PLEKHG7: variants seen among roughly 807,000 people sequenced by gnomAD.
PLEKHG7 encodes pleckstrin homology domain-containing family G member 7.
A neutral mutation model predicts 85.2 loss-of-function variants in PLEKHG7; 77 were observed. The ratio of observed to expected loss-of-function variants is 0.90; its 90% CI spans 0.75 to 1.09. The LOEUF is 1.09. Among genes scored for constraint, PLEKHG7 ranks in the 50% least tolerant of loss-of-function variants. PLEKHG7 has a pLI of 0.00. For missense variants in PLEKHG7, 777 were observed against 804.3 expected, an observed-to-expected ratio of 0.97 and a Z score of 0.41; for synonymous variants, 301 against 302.4, an observed-to-expected ratio of 1.00 and a Z score of 0.05.
At chr12:92,733,612 C>T (rs1285516771) in intron 5 of PLEKHG7, among the ~76,000 whole-genome samples, 2 of 152,222 alleles carry the variant, frequency 1.3e-5, no homozygotes, top group Admixed American at 6.5e-5. Flanking sequence ...GCTCTTTCTT[C>T]GAATAAACAG....
At chr12:92,727,071 A>G (rs767494519) in intron 3 of PLEKHG7, among the ~76,000 whole-genome samples, 4 of 152,188 alleles carry the variant, frequency 2.6e-5, no homozygotes, top group Non-Finnish European at 4.4e-5. Flanking sequence ...AGTCAAAACC[A>G]TAAACAGCAA....
At chr12:92,761,623 G>GAGAAAGA (rs1555196573) in intron 13 of PLEKHG7, 129 bp from the exon 14 acceptor site, 6 of 718,842 alleles carry the variant, frequency 8.3e-6, no homozygotes, top group Admixed American at 5.4e-5. Flanking sequence ...AAGAAAGAAA[G>GAGAAAGA]AAGAAAGAAA....
intron 7 of PLEKHG7, 129 bp from the exon 8 acceptor site, chr12:92,740,724 T>G (rs1471886326): frequency 1.6e-6 from 1 of 640,628 alleles, no homozygotes; most frequent in Non-Finnish European, 2.7e-6. Flanking sequence ...CATTTAAACC[T>G]TGAGAGTGCT....
rs1486799238 is a variant in PLEKHG7, at chr12:92,732,087, T to C, written c.659-146T>C. On this transcript the variant is annotated intron_variant, in intron 4 of 16. Coordinates refer to ENST00000344636, the MANE Select transcript of PLEKHG7 (RefSeq NM_001377329.1). ...TCTGCAAAAATATAAATATTCATTTTGTGCATTCTCAAGAGAAAGAGAATT... is the reference window on the plus strand; with the variant it reads ...TCTGCAAAAATATAAATATTCATTTCGTGCATTCTCAAGAGAAAGAGAATT... 1.2e-5 allele frequency: 5 copies of C among 430,902 alleles called. No individual in the cohort carries two copies. In the East Asian group the frequency reaches 1.4e-4, roughly 12 times the overall value. The allele number at this position is 430,902 out of a possible 1,614,324, so 26.7% of individuals were successfully genotyped here.
In PLEKHG7 at chr12:92,756,564, C is replaced by T. The variant is rs1372652602; in HGVS notation, c.1636+173C>T. On this transcript the variant is annotated intron_variant, in intron 13 of 16. Transcript: ENST00000344636. Reference sequence around the variant, plus strand: ...CAGACTCAGGCTTGAATGAAGACTTCGCAACATAACTAGCTAGGTGCTCTC... The same window carrying T: ...CAGACTCAGGCTTGAATGAAGACTTTGCAACATAACTAGCTAGGTGCTCTC... Among the ~76,000 whole-genome samples, 10 of 152,192 alleles carry T rather than the reference C, an allele frequency of 6.6e-5. No homozygotes were observed. The East Asian group carries it at 1.5e-3, about 23-fold the overall frequency.
intron 4 of PLEKHG7, among the ~76,000 whole-genome samples, chr12:92,729,342 G>T (rs1445402251): frequency 6.6e-6 from 1 of 151,106 alleles, no homozygotes; most frequent in African/African-American, 2.4e-5. Flanking sequence ...AGATGAATAA[G>T]GTATGGTTCT....
intron 1 of PLEKHG7, among the ~76,000 whole-genome samples, chr12:92,706,185 G>A (rs1305723305): frequency 6.6e-6 from 1 of 152,208 alleles, no homozygotes; most frequent in East Asian, 1.9e-4. Flanking sequence ...GAGGAGCTAT[G>A]TGGTTTCCAG....
At chr12:92,767,975 G>A (rs938657474) in intron 15 of PLEKHG7, among the ~76,000 whole-genome samples, 4 of 152,094 alleles carry the variant, frequency 2.6e-5, no homozygotes, top group African/African-American at 9.7e-5. Flanking sequence ...GGACGCCGAG[G>A]TTGGGTGGAT....
At chr12:92,729,489 C>T (rs1871920086) in intron 4 of PLEKHG7, among the ~76,000 whole-genome samples, 1 of 150,814 alleles carries the variant, frequency 6.6e-6, no homozygotes, top group South Asian at 2.1e-4. Context: ...ATCTCCCACC[C>T]CACTCCTGGG....
At chr12:92,722,763 A>G (rs1363435339) in intron 3 of PLEKHG7, among the ~76,000 whole-genome samples, 4 of 152,174 alleles carry the variant, frequency 2.6e-5, no homozygotes, top group Admixed American at 1.3e-4. Flanking sequence ...ATGTTCCAGA[A>G]CGGAAAAACA....
chr12:92,724,672 C>T (rs367597704), intron 3 of PLEKHG7, among the ~76,000 whole-genome samples: 14 of 152,238 alleles, frequency 9.2e-5, no homozygotes, highest in South Asian at 4.2e-4. Context: ...AGATCTATTC[C>T]GAACAGCAAG....
intron 3 of PLEKHG7, among the ~76,000 whole-genome samples, chr12:92,710,379 T>C (rs1000076229): frequency 1.3e-5 from 2 of 152,152 alleles, no homozygotes; most frequent in East Asian, 3.8e-4. Context: ...ACCAGTGAAT[T>C]CCATGAGCAT....
intron 3 of PLEKHG7, among the ~76,000 whole-genome samples, chr12:92,726,129 G>A (rs1592676842): frequency 6.6e-6 from 1 of 152,208 alleles, no homozygotes; most frequent in Admixed American, 6.5e-5. Flanking sequence ...AGAGGCAAGA[G>A]ACGAAAGTGC....
chr12:92,737,993 G>C (rs1872227584), intron 7 of PLEKHG7, among the ~76,000 whole-genome samples: 1 of 152,152 alleles, frequency 6.6e-6, no homozygotes, highest in African/African-American at 2.4e-5. Flanking sequence ...TCCTGAGCCA[G>C]GGAGCTTACA....
In PLEKHG7 at chr12:92,707,069, C is replaced by T; in HGVS notation, c.438C>T (p.His146=). ...AGCCTGTCAATGAAGGGTCCCTTCA[C>T]CAGGCCTCTCTTCGGCAGCAAGAAG... ...ELQPVNEGSL[H]QASLRQQEGH... Residue 146 remains histidine (H), a synonymous_variant, in exon 2 of 17, where the codon CAC becomes CAT. Transcript: ENST00000344636. 1 of 1,614,154 alleles carries T rather than the reference C, an allele frequency of 6.2e-7. No individual in the cohort carries two copies. Among genetic ancestry groups the T allele is most frequent in the Non-Finnish European group, 8.5e-7 (1 of 1,180,018 alleles).
At chr12:92,754,978 G>T (rs1872788393) in intron 11 of PLEKHG7, among the ~76,000 whole-genome samples, 1 of 151,974 alleles carries the variant, frequency 6.6e-6, no homozygotes, top group African/African-American at 2.4e-5. Flanking sequence ...GTTTAATTGG[G>T]TTTTTCTTCT....
Position 92,736,467 on chromosome 12 carries a change from A to C in PLEKHG7, c.700-15A>C. On this transcript the variant is annotated splice_polypyrimidine_tract_variant and intron_variant, in intron 5 of 16. Coordinates refer to ENST00000344636, the MANE Select transcript of PLEKHG7 (RefSeq NM_001377329.1). ...TCAATGTTTGAAAATCCTGTTTCTAACCATCTTCGAGCAGGGCAAAGACAA... is the reference window on the plus strand; with the variant it reads ...TCAATGTTTGAAAATCCTGTTTCTACCCATCTTCGAGCAGGGCAAAGACAA... The C allele has an allele frequency of 8.2e-7, 1 of 1,225,198 alleles. No homozygotes were observed. The highest frequency in any genetic ancestry group is 1.0e-6 in the Non-Finnish European group (1 of 981,692). The allele number at this position is 1,225,198 out of a possible 1,614,324, so 75.9% of individuals were successfully genotyped here.
intron 3 of PLEKHG7, among the ~76,000 whole-genome samples, chr12:92,714,500 A>G (rs115821211): frequency 0.058 from 8,760 of 152,208 alleles, 834 homozygotes; most frequent in African/African-American, 0.2. Flanking sequence ...TCAGCTACTC[A>G]CATAATAAGA....
chr12:92,739,462 C>T (rs890872128), intron 7 of PLEKHG7, among the ~76,000 whole-genome samples: 4 of 152,262 alleles, frequency 2.6e-5, no homozygotes, highest in South Asian at 2.1e-4. Flanking sequence ...CCGCAGAGAA[C>T]GAAGCCCCTG....
Sources: allele counts gnomAD v4.1 joint callset (sites outside exome capture counted in the v4.1 genomes callset), GRCh38; gene constraint gnomAD v4.1.1; transcripts MANE v1.5; gene names NCBI Gene and HGNC (gene_info 2026-07-23, HGNC 2026-07-21).